Variants in GABRA5 observed in about 807,000 individuals in gnomAD.
GABRA5 encodes gamma-aminobutyric acid type A receptor subunit alpha5.
In GABRA5, 18 loss-of-function variants were observed where a neutral mutation model predicts 47.3. That is an observed-to-expected ratio of 0.38 (90% confidence interval 0.26 to 0.56). GABRA5 has a LOEUF of 0.56. Ranked by LOEUF, GABRA5 falls within the 20% of genes least tolerant of loss-of-function variation. The probability of loss-of-function intolerance (pLI) is 0.71; values close to 1 mark genes in which losing one functional copy is unlikely to be tolerated. For synonymous variants in GABRA5, 237 were observed against 229.3 expected, an observed-to-expected ratio of 1.03 and a Z score of -0.30; for missense variants, 365 against 599.3, an observed-to-expected ratio of 0.61 and a Z score of 4.08.
chr15:26,867,299 C>A lies in GABRA5; in HGVS notation c.-140+188C>A, dbSNP rs1012994530. The A allele has an allele frequency of 1.3e-5, 2 of 151,712 alleles. No homozygotes were observed. Among genetic ancestry groups the A allele is most frequent in the Non-Finnish European group, 2.9e-5 (2 of 67,930 alleles). The allele number at this position is 151,712 out of a possible 1,614,324, so 9.4% of individuals were successfully genotyped here. ...GGGCGGTGACGCCGCACCGGCCTTC[C>A]GCGCCTGCCAGCCGGGCGAGAGCAG... On this transcript the variant is annotated intron_variant, in intron 1 of 10. Coordinates refer to ENST00000335625, the MANE Select transcript of GABRA5 (RefSeq NM_000810.4). The surrounding 1 kb of genome is among the most constrained non-coding windows in gnomAD (Gnocchi z 5.9).
intron 6 of GABRA5, among the ~76,000 whole-genome samples, chr15:26,892,158 T>C (rs1893022183): frequency 6.6e-6 from 1 of 152,090 alleles, no homozygotes; most frequent in East Asian, 1.9e-4. Flanking sequence ...GAATCCGGAG[T>C]TTTTGTGGTC....
chr15:26,904,231 A>C (rs987299738), intron 6 of GABRA5, among the ~76,000 whole-genome samples: 5 of 152,038 alleles, frequency 3.3e-5, no homozygotes, highest in African/African-American at 1.2e-4. Context: ...TCCTTTTCCC[A>C]TTGCTTATTT....
rs1892344326 is a variant in GABRA5, at chr15:26,867,408, G to T, written c.-140+297G>T. ...GGGTGAGCCCTGGGCGCGCTGGGCCGGGGCAGTGGGGTAAGAGGACGCGAG... is the reference window on the plus strand; with the variant it reads ...GGGTGAGCCCTGGGCGCGCTGGGCCTGGGCAGTGGGGTAAGAGGACGCGAG... On this transcript the variant is annotated intron_variant, in intron 1 of 10. Coordinates refer to ENST00000335625, the MANE Select transcript of GABRA5 (RefSeq NM_000810.4). The surrounding 1 kb of genome is among the most constrained non-coding windows in gnomAD (Gnocchi z 5.9). The T allele has an allele frequency of 6.6e-6, 1 of 151,892 alleles. No homozygotes were observed. The highest frequency in any genetic ancestry group is 2.4e-5 in the African/African-American group (1 of 41,380). The allele number at this position is 151,892 out of a possible 1,614,324, so 9.4% of individuals were successfully genotyped here. A position where few individuals can be genotyped will look rare whatever the true frequency, so the allele number is the denominator to read the frequency against.
chr15:26,893,801 G>A (rs139300958), intron 6 of GABRA5, among the ~76,000 whole-genome samples: 15,725 of 152,058 alleles, frequency 0.1, 927 homozygotes, highest in East Asian at 0.17. Flanking sequence ...CTCGAGCTGC[G>A]AAGGTGGAGA....
intron 7 of GABRA5, among the ~76,000 whole-genome samples, chr15:26,936,039 G>A (rs937923504): frequency 1.3e-5 from 2 of 152,140 alleles, no homozygotes; most frequent in Non-Finnish European, 2.9e-5. Context: ...ATTCCCCCAT[G>A]CTGTTCACGT....
At position 26,883,281 on chromosome 15, in the gene GABRA5, A is replaced by C. The variant is rs777795226; in HGVS notation, c.276+48A>C. On this transcript the variant is annotated intron_variant, in intron 5 of 10. Coordinates refer to ENST00000335625, the MANE Select transcript of GABRA5 (RefSeq NM_000810.4). The surrounding 1 kb of genome is among the most constrained non-coding windows in gnomAD (Gnocchi z 4.8). Reference sequence around the variant, plus strand: ...GCAGACAATTCTTACTCCGCGCCGCAGGCCCCCGCCCAGGCCCCGTGCCCT... The same window carrying C: ...GCAGACAATTCTTACTCCGCGCCGCCGGCCCCCGCCCAGGCCCCGTGCCCT... 6.2e-7 allele frequency: 1 copy of C among 1,610,744 alleles called. No individual in the cohort carries two copies. The highest frequency in any genetic ancestry group is 8.5e-7 in the Non-Finnish European group (1 of 1,177,038).
At chr15:26,929,004 G>T (rs1894027221) in intron 7 of GABRA5, among the ~76,000 whole-genome samples, 1 of 152,058 alleles carries the variant, frequency 6.6e-6, no homozygotes, top group Non-Finnish European at 1.5e-5. Flanking sequence ...CATCATCTTG[G>T]GGCTGAGGAT....
Position 26,914,372 on chromosome 15 carries a change from T to C in GABRA5, c.498-431T>C, listed in dbSNP as rs544169694. Among the ~76,000 whole-genome samples, 51 of 152,330 alleles carry C rather than the reference T, an allele frequency of 3.3e-4. 1 individual carries two copies. The highest frequency in any genetic ancestry group is 3.4e-3 in the Middle Eastern group (1 of 294). ...AATTGTATTACTTCAACTTTTTCTG[T>C]ATTTTCCCATATTCTACGAATATAT... On this transcript the variant is annotated intron_variant, in intron 6 of 10. Transcript: ENST00000335625.
chr15:26,914,647 A>G (rs1893678522), intron 6 of GABRA5, among the ~76,000 whole-genome samples, 156 bp from the exon 7 acceptor site: 1 of 152,228 alleles, frequency 6.6e-6, no homozygotes, highest in Non-Finnish European at 1.5e-5. Context: ...CACCTACAAC[A>G]CAAACTTACG....
At chr15:26,911,885 G>T (rs1893603147) in intron 6 of GABRA5, among the ~76,000 whole-genome samples, 1 of 152,192 alleles carries the variant, frequency 6.6e-6, no homozygotes, top group African/African-American at 2.4e-5. Flanking sequence ...AGTGTCTGGA[G>T]AGAAGACAAC....
In GABRA5 at chr15:26,914,702, T is replaced by G. The variant is rs574136196; in HGVS notation, c.498-101T>G. On this transcript the variant is annotated intron_variant, in intron 6 of 10. Coordinates refer to ENST00000335625, the MANE Select transcript of GABRA5 (RefSeq NM_000810.4). ...CAGATAATCTCATAAGAGACATTAA[T>G]TTTTAAAAGTACTTAATATGGCTTT... The G allele has an allele frequency of 4.7e-6, 4 of 843,824 alleles. No homozygotes were observed. The South Asian group carries it at 5.7e-5, about 12-fold the overall frequency. 52.3% of individuals were successfully genotyped at this position (843,824 alleles called of 1,614,324 possible).
chr15:26,875,102 A>G (rs548485219), intron 3 of GABRA5, among the ~76,000 whole-genome samples: 1 of 152,344 alleles, frequency 6.6e-6, no homozygotes, highest in African/African-American at 2.4e-5. Flanking sequence ...GGTATGAAGG[A>G]TCAATTGCCA....
At position 26,867,914 on chromosome 15, in the gene GABRA5, C is replaced by G. The variant is rs1032122368; in HGVS notation, c.-140+803C>G. 1.3e-5 allele frequency: 2 copies of G among 152,080 alleles called. No individual in the cohort carries two copies. Among genetic ancestry groups the G allele is most frequent in the Non-Finnish European group, 2.9e-5 (2 of 68,030 alleles). 9.4% of individuals were successfully genotyped at this position (152,080 alleles called of 1,614,324 possible). On this transcript the variant is annotated intron_variant, in intron 1 of 10. Transcript: ENST00000335625. The surrounding 1 kb of genome is among the most constrained non-coding windows in gnomAD (Gnocchi z 5.9). ...GCGCTGCCTGGCGGAGCGCTTGGCT[C>G]GTACCCGGGGCAGGAGCAGGGGAAG...
intron 2 of GABRA5, 84 bp from the exon 3 acceptor site, chr15:26,869,091 G>C: frequency 1.7e-6 from 1 of 600,592 alleles, no homozygotes. Flanking sequence ...GCAAATTGTT[G>C]TGATAGCAGT....
At chr15:26,876,855 C>T (rs28588258) in intron 3 of GABRA5, among the ~76,000 whole-genome samples, 47,576 of 151,968 alleles carry the variant, frequency 0.31, 7,633 homozygotes, top group African/African-American at 0.35. Context: ...TGGGATGGAA[C>T]ATCACTGTGT....
intron 7 of GABRA5, among the ~76,000 whole-genome samples, chr15:26,929,108 A>G (rs555805871): frequency 6.6e-6 from 1 of 152,326 alleles, no homozygotes; most frequent in African/African-American, 2.4e-5. Context: ...ACATGGTTTC[A>G]GTCCAAAAGT....
At chr15:26,927,798 A>G (rs1893996703) in intron 7 of GABRA5, among the ~76,000 whole-genome samples, 1 of 152,240 alleles carries the variant, frequency 6.6e-6, no homozygotes, top group Non-Finnish European at 1.5e-5. Context: ...GTTCTCTGCT[A>G]TTAGGAGACA....
At chr15:26,938,828 C>T (rs183364370) in intron 8 of GABRA5, among the ~76,000 whole-genome samples, 2 of 152,338 alleles carry the variant, frequency 1.3e-5, no homozygotes, top group Admixed American at 6.5e-5. Flanking sequence ...ATGGTTCCTT[C>T]GTCTCCGACA....
intron 6 of GABRA5, among the ~76,000 whole-genome samples, chr15:26,911,339 G>T (rs1018958955): frequency 2.0e-5 from 3 of 148,998 alleles, no homozygotes; most frequent in South Asian, 4.3e-4. Context: ...ACCTGTGTTT[G>T]TGTACCCTCC....
Sources: allele counts gnomAD v4.1 joint callset (sites outside exome capture counted in the v4.1 genomes callset), GRCh38; gene constraint gnomAD v4.1.1; non-coding constraint Gnocchi (gnomAD v3.1); transcripts MANE v1.5; gene names NCBI Gene and HGNC (gene_info 2026-07-23, HGNC 2026-07-21).